The following NRK variants were observed in gnomAD, a reference collection of about 807,000 sequenced individuals.
NRK encodes the protein nik-related protein kinase.
A neutral mutation model predicts 125.2 loss-of-function variants in NRK; 67 were observed. The observed-to-expected ratio is 0.54, with a 90% CI of 0.44 to 0.66. The LOEUF (loss-of-function observed/expected upper bound fraction) is 0.66, where lower values mean the gene tolerates loss of function less well. Ranked by LOEUF, NRK falls within the 30% of genes least tolerant of loss-of-function variation. The pLI is 0.00. For missense variants in NRK, 1,224 were observed against 1,192.9 expected (o/e 1.03, Z -0.38); for synonymous variants, 458 against 429.0 (o/e 1.07, Z -0.84).
intron 26 of NRK, chrX:105,948,883 C>G: frequency 3.1e-6 from 1 of 324,954 alleles, no homozygotes; most frequent in Non-Finnish European, 5.3e-6. Context: ...TTTAAGAAAA[C>G]TTTATTGCAT....
Position 105,909,024 on chromosome X carries a change from A to G in NRK, c.1383A>G (p.Leu461=). ...AQVKAKASKP[L]QMQIKAPPRL... ...TGAAGGCTAAGGCCTCTAAACCTCT[A>G]CAAATGCAGATTAAGGCACCTCCAC... Residue 461 remains leucine (L), a synonymous_variant, in exon 13 of 29, where the codon CTA becomes CTG. Coordinates refer to ENST00000243300, the MANE Select transcript of NRK (RefSeq NM_198465.4). 1 of 1,210,628 alleles carries G rather than the reference A, an allele frequency of 8.3e-7. No homozygotes were observed.
rs570364876 is a variant in NRK, at chrX:105,938,515, A to C, written c.3799+933A>C. ...CTTATAATTGTTTAAGGTACGTAGA[A>C]GTAATATTTATTTTTTGAAAACATC... is the stretch of plus-strand genomic sequence containing the variant. On this transcript the variant is annotated intron_variant, in intron 22 of 28. Transcript: ENST00000243300. 1.4e-4 allele frequency among the ~76,000 whole-genome samples: 16 copies of C among 111,719 alleles called. No homozygotes were observed. In the South Asian group the frequency reaches 5.6e-3, roughly 39 times the overall value.
At position 105,949,700 on chromosome X, in the gene NRK, C is replaced by T; in HGVS notation, c.4479C>T (p.Ile1493=). 1 of 1,199,301 alleles carries T rather than the reference C, an allele frequency of 8.3e-7. No individual in the cohort carries two copies. Among genetic ancestry groups the T allele is most frequent in the Non-Finnish European group, 1.1e-6 (1 of 885,864 alleles). ...CAAATGAACAACTCTTCAAGAAGAT[C>T]CTTGAAATGTGGAAAGACATACCAT... ...VEANEQLFKK[I]LEMWKDIPSS... is the part of the protein sequence containing the mutation. Residue 1493 remains isoleucine (I), a synonymous_variant, in exon 27 of 29, where the codon ATC becomes ATT. Coordinates refer to ENST00000243300, the MANE Select transcript of NRK (RefSeq NM_198465.4).
chrX:105,885,707 A>G (rs1395195268), intron 4 of NRK, among the ~76,000 whole-genome samples: 1 of 111,888 alleles, frequency 8.9e-6, no homozygotes, highest in Non-Finnish European at 1.9e-5. Context: ...ATATGCTGGG[A>G]ATGAAGGAGG....
At chrX:105,879,372 T>C (rs2039857607) in intron 2 of NRK, among the ~76,000 whole-genome samples, 2 of 110,992 alleles carry the variant, frequency 1.8e-5, no homozygotes, top group South Asian at 7.7e-4. Context: ...TTATTACTCA[T>C]AGTAATGTTA....
intron 2 of NRK, among the ~76,000 whole-genome samples, chrX:105,837,922 C>T (rs2039285564): frequency 9.0e-6 from 1 of 111,411 alleles, no homozygotes; most frequent in African/African-American, 3.3e-5. Context: ...AGACCAAGAC[C>T]TTTAGGGTGG....
At chrX:105,903,048 A>G (rs146470687) in intron 9 of NRK, among the ~76,000 whole-genome samples, 1 of 111,230 alleles carries the variant, frequency 9.0e-6, no homozygotes, top group African/African-American at 3.3e-5. Flanking sequence ...AACATTTATA[A>G]TAATCATCCA....
chrX:105,939,489 G>A (rs184702188), intron 22 of NRK, among the ~76,000 whole-genome samples: 66 of 111,008 alleles, frequency 5.9e-4, no homozygotes, highest in African/African-American at 1.9e-3. Flanking sequence ...CACCCCTCTC[G>A]TACACACACA....
intron 1 of NRK, among the ~76,000 whole-genome samples, chrX:105,826,052 C>G (rs1337030931): frequency 3.0e-5 from 3 of 99,132 alleles, no homozygotes; most frequent in Non-Finnish European, 6.0e-5. Context: ...CTCTCTCTCT[C>G]TCTCTATATA....
intron 5 of NRK, 32 bp downstream of exon 5, chrX:105,888,451 TA>T: frequency 9.0e-7 from 1 of 1,112,874 alleles, no homozygotes; most frequent in Non-Finnish European, 1.2e-6. Flanking sequence ...TCTTATTCTA[TA>T]AGAATAAGTT....
intron 2 of NRK, among the ~76,000 whole-genome samples, chrX:105,872,520 A>G (rs1317185322): frequency 9.0e-6 from 1 of 110,772 alleles, no homozygotes; most frequent in Non-Finnish European, 1.9e-5. Flanking sequence ...AGTAATTGCC[A>G]TGTTCCCTTA....
intron 16 of NRK, among the ~76,000 whole-genome samples, chrX:105,921,749 G>GGT (rs2040451203): frequency 1.8e-5 from 2 of 108,768 alleles, no homozygotes; most frequent in Non-Finnish European, 3.8e-5. Flanking sequence ...GTCTACAGAT[G>GGT]GAAGAAAACT....
rs41304468 is a variant in NRK, at chrX:105,956,698, G to T, written c.*1098G>T. On this transcript the variant is annotated 3_prime_UTR_variant, in exon 29 of 29. Transcript: ENST00000243300. ...ACTTAATGTTAAAGGTTAAAAAAAA[G>T]ATTTCACAAAATATACAACTTTCAC... The T allele has an allele frequency of 0.19, 21,661 of 111,198 alleles. 1,549 individuals carry two copies. The highest frequency in any genetic ancestry group is 0.3 in the Middle Eastern group (64 of 210). The allele number at this position is 111,198 out of a possible 1,213,427, so 9.2% of individuals were successfully genotyped here.
rs754812992 is a variant in NRK at position 105,912,743 on chromosome X, T to G, written c.2337T>G (p.Pro779=). The G allele has an allele frequency of 9.5e-7, 1 of 1,054,713 alleles. No homozygotes were observed. The highest frequency in any genetic ancestry group is 2.9e-5 in the Admixed American group (1 of 34,484). 86.9% of individuals were successfully genotyped at this position (1,054,713 alleles called of 1,213,427 possible). The part of the protein sequence containing the change: ...IEPLKPYISN[P]KKIEVQERSP... Reference sequence around the variant, plus strand: ...CATTGAAGCCATACATTTCAAATCCTAAAAAAATTGAGGTAAATTTTTCAA... The same window carrying G: ...CATTGAAGCCATACATTTCAAATCCGAAAAAAATTGAGGTAAATTTTTCAA... Residue 779 remains proline, a synonymous_variant, in exon 14 of 29, where the codon CCT becomes CCG. Coordinates refer to ENST00000243300, the MANE Select transcript of NRK (RefSeq NM_198465.4).
At chrX:105,888,108 C>T (rs2039970945) in intron 4 of NRK, among the ~76,000 whole-genome samples, 186 bp from the exon 5 acceptor site, 1 of 112,179 alleles carries the variant, frequency 8.9e-6, no homozygotes, top group African/African-American at 3.2e-5. Flanking sequence ...CCTTTTTATT[C>T]CCCCAGACTC....
Position 105,949,687 on chromosome X carries a change from T to C in NRK, c.4466T>C (p.Leu1489Pro), listed in dbSNP as rs1569321639. ...EALSVEANEQ[L>P]FKKILEMWKD... ...CTCTCTGTGGAAGCAAATGAACAAC[T>C]CTTCAAGAAGATCCTTGAAATGTGG... The change falls in exon 27 of 29, where the codon CTC (leucine) becomes CCC (proline). Residue 1489 changes from leucine (L) to proline (P), a missense_variant. Transcript: ENST00000243300. The C allele has an allele frequency of 2.5e-6, 3 of 1,202,357 alleles. No homozygotes were observed. The highest frequency in any genetic ancestry group is 3.4e-6 in the Non-Finnish European group (3 of 887,892).
chrX:105,845,846 A>G (rs1349847827), intron 2 of NRK, among the ~76,000 whole-genome samples: 2 of 111,538 alleles, frequency 1.8e-5, no homozygotes, highest in Non-Finnish European at 3.8e-5. Context: ...GCTTCATAGG[A>G]ATGCGGCTTT....
At chrX:105,927,039 G>A (rs2040533320) in intron 19 of NRK, among the ~76,000 whole-genome samples, 1 of 110,831 alleles carries the variant, frequency 9.0e-6, no homozygotes, top group African/African-American at 3.3e-5. Context: ...ATTTTCATAA[G>A]GATTGCATAG....
chrX:105,832,116 C>G (rs1469755331), intron 2 of NRK, among the ~76,000 whole-genome samples: 3 of 111,483 alleles, frequency 2.7e-5, no homozygotes, highest in Non-Finnish European at 3.8e-5. Flanking sequence ...ACTGTAATTG[C>G]AACTGTAATA....
Sources: gnomAD v4.1 joint callset for allele counts (sites outside exome capture counted in the v4.1 genomes callset) on GRCh38, gnomAD v4.1.1 for gene constraint, MANE v1.5 for transcripts, NCBI Gene and HGNC (gene_info 2026-07-23, HGNC 2026-07-21) for gene names.